The following RIT2 variants were observed in gnomAD, a reference collection of about 807,000 sequenced individuals.
RIT2 encodes Ras like without CAAX 2.
A neutral mutation model predicts 23.7 loss-of-function variants in RIT2; 24 were observed. The observed-to-expected ratio is 1.01, with a 90% confidence interval of 0.73 to 1.43. The LOEUF (loss-of-function observed/expected upper bound fraction) is 1.43. Among genes scored for constraint, RIT2 ranks in the 40% most tolerant of loss-of-function variants. The pLI, the probability that RIT2 is intolerant of heterozygous loss-of-function variation, is 0.00. For missense variants in RIT2, 236 were observed against 266.9 expected (o/e 0.88, Z 0.81); for synonymous variants, 107 against 91.1 (o/e 1.17, Z -0.99).
intron 3 of RIT2, among the ~76,000 whole-genome samples, chr18:42,923,982 A>G (rs1312525236): frequency 6.6e-6 from 1 of 151,572 alleles, no homozygotes. Flanking sequence ...TTTTTTTTTA[A>G]TTTGTAATGA....
intron 2 of RIT2, among the ~76,000 whole-genome samples, chr18:42,981,765 A>G (rs1910604433): frequency 6.6e-6 from 1 of 152,172 alleles, no homozygotes; most frequent in East Asian, 1.9e-4. Context: ...GCCACTTTAA[A>G]CAATAAAATA....
intron 2 of RIT2, among the ~76,000 whole-genome samples, chr18:42,977,574 CAG>C (rs1276816945): frequency 2.0e-5 from 3 of 151,800 alleles, no homozygotes; most frequent in Admixed American, 2.0e-4. Flanking sequence ...TCTCACAAAT[CAG>C]ATTATTGCTA....
chr18:42,850,076 C>CGT (rs60962443), intron 4 of RIT2, among the ~76,000 whole-genome samples: 87,206 of 142,526 alleles, frequency 0.61, 27,242 homozygotes, highest in South Asian at 0.73. Context: ...AAAATACACC[C>CGT]GTGTGTGTGT....
intron 4 of RIT2, among the ~76,000 whole-genome samples, chr18:42,885,224 G>A (rs956247897): frequency 6.6e-6 from 1 of 152,120 alleles, no homozygotes; most frequent in Admixed American, 6.6e-5. Context: ...TTCACAGATG[G>A]TAAATTAAAA....
rs184188508 is a variant in RIT2 at position 42,898,702 on chromosome 18, G to A, written c.426+24870C>T. Among the ~76,000 whole-genome samples, 33 of 152,152 alleles carry A rather than the reference G, an allele frequency of 2.2e-4. 1 individual carries two copies. In the East Asian group the frequency reaches 5.4e-3, roughly 25 times the overall value. On this transcript the variant is annotated intron_variant, in intron 4 of 4. Coordinates refer to ENST00000326695, the MANE Select transcript of RIT2 (RefSeq NM_002930.4). ...GCTCCAGAATCCGATTCTGGTTTAC[G>A]GATTCCATGTGATCATCACTTCCTT... is the stretch of plus-strand genomic sequence containing the variant.
intron 1 of RIT2, among the ~76,000 whole-genome samples, chr18:43,072,944 C>A (rs1912931029): frequency 6.6e-6 from 1 of 152,200 alleles, no homozygotes; most frequent in African/African-American, 2.4e-5. Flanking sequence ...AGCTGCCTTA[C>A]ACACTCTAGC....
At chr18:42,916,155 G>C (rs938872405) in intron 4 of RIT2, among the ~76,000 whole-genome samples, 1 of 152,028 alleles carries the variant, frequency 6.6e-6, no homozygotes, top group South Asian at 2.1e-4. Flanking sequence ...CAGAGTTTCT[G>C]ATTTACCAGA....
chr18:43,085,688 G>A (rs536503241), intron 1 of RIT2, among the ~76,000 whole-genome samples: 15 of 152,220 alleles, frequency 9.9e-5, no homozygotes, highest in Non-Finnish European at 1.8e-4. Context: ...ATTTTCTTAA[G>A]GTTGTAGAGT....
chr18:42,998,926 C>G (rs926981840), intron 2 of RIT2, among the ~76,000 whole-genome samples: 2 of 151,988 alleles, frequency 1.3e-5, no homozygotes, highest in African/African-American at 2.4e-5. Flanking sequence ...GATTGCGAAC[C>G]AGGTTACTGC....
At chr18:43,041,018 A>G (rs1439338501) in intron 1 of RIT2, among the ~76,000 whole-genome samples, 3 of 152,136 alleles carry the variant, frequency 2.0e-5, no homozygotes, top group African/African-American at 7.2e-5. Context: ...CTAGAAATAT[A>G]TGTATAATTA....
intron 4 of RIT2, among the ~76,000 whole-genome samples, chr18:42,743,973 A>T (rs1326854337): frequency 2.6e-5 from 4 of 152,170 alleles, no homozygotes; most frequent in Non-Finnish European, 5.9e-5. Flanking sequence ...CCTTGCCTTA[A>T]CTGATGAAAT....
chr18:42,867,063 T>C (rs1162383050), intron 4 of RIT2, among the ~76,000 whole-genome samples: 1 of 152,224 alleles, frequency 6.6e-6, no homozygotes, highest in Non-Finnish European at 1.5e-5. Context: ...TATTCTTTAC[T>C]GTTCCTCATA....
chr18:42,879,245 G>C (rs981465352), intron 4 of RIT2, among the ~76,000 whole-genome samples: 2 of 152,082 alleles, frequency 1.3e-5, no homozygotes, highest in African/African-American at 4.8e-5. Context: ...CTTCTTGCCT[G>C]AATATCACAT....
At chr18:42,936,421 T>C (rs1909459661) in intron 3 of RIT2, among the ~76,000 whole-genome samples, 1 of 152,158 alleles carries the variant, frequency 6.6e-6, no homozygotes, top group Non-Finnish European at 1.5e-5. Context: ...TTTAAGTATG[T>C]GAAACAACAC....
intron 4 of RIT2, among the ~76,000 whole-genome samples, chr18:42,780,228 T>C (rs1244751766): frequency 6.6e-6 from 1 of 151,860 alleles, no homozygotes; most frequent in Non-Finnish European, 1.5e-5. Flanking sequence ...GTATAATTGG[T>C]TCAGCCCTAA....
chr18:43,021,768 T>G (rs777161737), intron 2 of RIT2, among the ~76,000 whole-genome samples: 3 of 152,098 alleles, frequency 2.0e-5, no homozygotes, highest in Admixed American at 1.3e-4. Context: ...GCCACCATGC[T>G]TTCTATGCAG....
chr18:42,817,409 G>A (rs1160956699), intron 4 of RIT2, among the ~76,000 whole-genome samples: 1 of 152,118 alleles, frequency 6.6e-6, no homozygotes, highest in African/African-American at 2.4e-5. Flanking sequence ...ATCCAACAAT[G>A]TCTTTGAATA....
At chr18:43,051,833 T>C (rs902975152) in intron 1 of RIT2, among the ~76,000 whole-genome samples, 7 of 152,120 alleles carry the variant, frequency 4.6e-5, no homozygotes, top group Non-Finnish European at 1.0e-4. Context: ...ACTTTTAACT[T>C]TGTAACTTGT....
chr18:42,952,268 T>A (rs1212342841), intron 3 of RIT2, among the ~76,000 whole-genome samples: 3 of 152,076 alleles, frequency 2.0e-5, no homozygotes, highest in Non-Finnish European at 4.4e-5. Flanking sequence ...ATAAGTGAAA[T>A]AAGCCAGACA....
Sources: gnomAD v4.1 joint callset for allele counts (sites outside exome capture counted in the v4.1 genomes callset) on GRCh38, gnomAD v4.1.1 for gene constraint, MANE v1.5 for transcripts, NCBI Gene and HGNC (gene_info 2026-07-23, HGNC 2026-07-21) for gene names.